Variants in ACBD3 observed in about 807,000 individuals in gnomAD.
The protein encoded by ACBD3 is acyl-CoA binding domain containing 3, also known as Golgi resident protein GCP60.
A neutral mutation model predicts 66.9 loss-of-function variants in ACBD3; 30 were observed. The observed-to-expected ratio is 0.45, with a 90% CI of 0.34 to 0.61. ACBD3 has a LOEUF of 0.61. Ranked by LOEUF, ACBD3 falls within the 20% of genes least tolerant of loss-of-function variation. The pLI is 0.02. For missense variants in ACBD3, 544 were observed against 664.5 expected (o/e 0.82, Z 1.99); for synonymous variants, 278 against 259.8 (o/e 1.07, Z -0.68).
At chr1:226,184,026 C>T (rs1477121670) in intron 1 of ACBD3, among the ~76,000 whole-genome samples, 3 of 150,744 alleles carry the variant, frequency 2.0e-5, no homozygotes, top group African/African-American at 4.9e-5. Flanking sequence ...CTCGTCTCTA[C>T]GAAAAATACA....
intron 1 of ACBD3, among the ~76,000 whole-genome samples, chr1:226,174,303 C>CA (rs1655969337): frequency 6.6e-6 from 1 of 152,162 alleles, no homozygotes; most frequent in South Asian, 2.1e-4. Context: ...TTAATTCAAT[C>CA]AATTTTGGAA....
chr1:226,147,215 T>C (rs1659472850), intron 7 of ACBD3, among the ~76,000 whole-genome samples: 1 of 152,240 alleles, frequency 6.6e-6, no homozygotes, highest in Non-Finnish European at 1.5e-5. Context: ...AAACTGCTCT[T>C]GTTGGGAATT....
chr1:226,165,380 A>G (rs1339076399), intron 2 of ACBD3, among the ~76,000 whole-genome samples: 1 of 152,152 alleles, frequency 6.6e-6, no homozygotes, highest in Non-Finnish European at 1.5e-5. Context: ...TATGTTGGCC[A>G]GGCTGGTCTT....
At chr1:226,149,249 C>T (rs568933234) in intron 7 of ACBD3, among the ~76,000 whole-genome samples, 9 of 148,850 alleles carry the variant, frequency 6.0e-5, no homozygotes, top group Admixed American at 2.0e-4. Flanking sequence ...TTTTTTGAGA[C>T]GGAGTCTGGC....
chr1:226,151,436 A>G (rs963256919), intron 7 of ACBD3, among the ~76,000 whole-genome samples: 4 of 152,242 alleles, frequency 2.6e-5, no homozygotes, highest in African/African-American at 9.6e-5. Flanking sequence ...TCAAAAAGCA[A>G]TACATTTATA....
Position 226,184,668 on chromosome 1 carries a change from T to TGTTAAGTATA in ACBD3, c.286+1712_286+1721dup, listed in dbSNP as rs564877996. On this transcript the variant is annotated intron_variant, in intron 1 of 7. Transcript: ENST00000366812. ...CAGAGCTTCCTGACTCTCCAAACAA[T>TGTTAAGTATA]GTTAAGTATACTACACGTTACAGTG... Among the ~76,000 whole-genome samples, 179 of 152,186 alleles carry TGTTAAGTATA rather than the reference T, an allele frequency of 1.2e-3. 1 individual carries two copies. The highest frequency in any genetic ancestry group is 1.3e-3 in the Non-Finnish European group (88 of 68,030).
chr1:226,158,490 G>A (rs1433016838), intron 5 of ACBD3, among the ~76,000 whole-genome samples: 8 of 152,154 alleles, frequency 5.3e-5, no homozygotes, highest in Admixed American at 3.3e-4. Context: ...AACAGGACAG[G>A]TGCTTTGATT....
At chr1:226,181,286 A>T (rs188641565) in intron 1 of ACBD3, among the ~76,000 whole-genome samples, 1 of 152,334 alleles carries the variant, frequency 6.6e-6, no homozygotes, top group African/African-American at 2.4e-5. Context: ...CACTAATTAT[A>T]TATGTTTCCA....
chr1:226,160,091 T>C (rs9662238), intron 4 of ACBD3, among the ~76,000 whole-genome samples: 1 of 144,704 alleles, frequency 6.9e-6, no homozygotes, highest in Non-Finnish European at 1.5e-5. Flanking sequence ...ACCACATGCT[T>C]CTTCTTTTTT....
intron 6 of ACBD3, 94 bp downstream of exon 6, chr1:226,154,553 G>A (rs1659637036): frequency 6.5e-6 from 9 of 1,388,568 alleles, no homozygotes; most frequent in Non-Finnish European, 6.8e-6. Context: ...ATATGTAATT[G>A]TTCTCAAAAG....
At chr1:226,157,157 T>C (rs903626696) in intron 5 of ACBD3, among the ~76,000 whole-genome samples, 2 of 152,242 alleles carry the variant, frequency 1.3e-5, no homozygotes, top group Non-Finnish European at 2.9e-5. Flanking sequence ...CCTTTGTTCC[T>C]TCCCCAGTCT....
chr1:226,157,947 G>A, intron 5 of ACBD3, among the ~76,000 whole-genome samples: 1 of 152,196 alleles, frequency 6.6e-6, no homozygotes, highest in East Asian at 1.9e-4. Context: ...GAGTGTATGT[G>A]CTATTAAAAA....
At chr1:226,182,279 G>C (rs1656188329) in intron 1 of ACBD3, among the ~76,000 whole-genome samples, 1 of 151,676 alleles carries the variant, frequency 6.6e-6, no homozygotes, top group Non-Finnish European at 1.5e-5. Context: ...AAAACCTCCA[G>C]TGGTTCCTCA....
intron 1 of ACBD3, among the ~76,000 whole-genome samples, chr1:226,174,387 T>A (rs1415310402): frequency 3.3e-5 from 5 of 152,184 alleles, no homozygotes; most frequent in Admixed American, 6.5e-5. Context: ...AAACCTCTAA[T>A]TAAACATGAT....
intron 7 of ACBD3, among the ~76,000 whole-genome samples, chr1:226,151,500 G>A (rs550460618): frequency 1.3e-4 from 20 of 152,224 alleles, no homozygotes; most frequent in African/African-American, 4.8e-4. Context: ...ACCCAATTTT[G>A]TCTACTTATT....
intron 1 of ACBD3, among the ~76,000 whole-genome samples, chr1:226,174,757 C>T (rs1655990970): frequency 6.6e-6 from 1 of 151,808 alleles, no homozygotes; most frequent in South Asian, 2.1e-4. Context: ...CAGAGCCAGA[C>T]TCCGTCTCAA....
At chr1:226,178,668 G>T (rs1033106146) in intron 1 of ACBD3, among the ~76,000 whole-genome samples, 3 of 151,650 alleles carry the variant, frequency 2.0e-5, no homozygotes, top group African/African-American at 7.3e-5. Context: ...GGAGGCAAAG[G>T]AAAGTACCAA....
intron 7 of ACBD3, among the ~76,000 whole-genome samples, chr1:226,149,984 A>G (rs1485728330): frequency 6.6e-6 from 1 of 152,004 alleles, no homozygotes; most frequent in Non-Finnish European, 1.5e-5. Context: ...TGAAGGTCAC[A>G]TGAGAAAACA....
At position 226,146,750 on chromosome 1, in the gene ACBD3, A is replaced by G; in HGVS notation, c.1447T>C (p.Tyr483His). Reference sequence around the variant, plus strand: ...ACCTCCTCATGACAGTCCCGTCGGTACACAGGCACAATCTCATCCAGCAAA... The same window carrying G: ...ACCTCCTCATGACAGTCCCGTCGGTGCACAGGCACAATCTCATCCAGCAAA... ...KPLLDEIVPV[Y>H]RRDCHEEVYA... The change falls in exon 8 of 8, where the codon TAC (tyrosine) becomes CAC (histidine). Residue 483 changes from tyrosine (Y) to histidine (H), a missense_variant. By Grantham distance (83) the Tyr-to-His change is moderately conservative (BLOSUM62 2). Around this residue, in one of 3 missense-constraint regions of ACBD3, gnomAD observed 383 missense variants for 462.4 expected, o/e 0.83. Coordinates refer to ENST00000366812, the MANE Select transcript of ACBD3 (RefSeq NM_022735.4). 6.2e-7 allele frequency: 1 copy of G among 1,614,172 alleles called. No individual in the cohort carries two copies. The highest frequency in any genetic ancestry group is 1.1e-5 in the South Asian group (1 of 91,080).
Sources: gnomAD v4.1 joint callset for allele counts (sites outside exome capture counted in the v4.1 genomes callset) on GRCh38, gnomAD v4.1.1 for gene constraint, gnomAD v4.1.1 regional missense constraint, MANE v1.5 for transcripts, NCBI Gene and HGNC (gene_info 2026-07-23, HGNC 2026-07-21) for gene names.